COL11A1: variants seen among roughly 807,000 people sequenced by gnomAD.
The protein encoded by COL11A1 is collagen type XI alpha 1 chain.
A neutral mutation model predicts 265.2 loss-of-function variants in COL11A1; 74 were observed. That is an observed-to-expected ratio of 0.28 (90% CI 0.23 to 0.34). COL11A1 has a LOEUF of 0.34. Ranked by LOEUF, COL11A1 falls within the 10% of genes least tolerant of loss-of-function variation. The pLI, the probability that COL11A1 is intolerant of heterozygous loss-of-function variation, is 1.00. For missense variants in COL11A1, 2,165 were observed against 2,263.6 expected, an observed-to-expected ratio of 0.96 and a Z score of 0.88; for synonymous variants, 816 against 727.6, an observed-to-expected ratio of 1.12 and a Z score of -1.96.
At position 103,018,776 on chromosome 1, in the gene COL11A1, T is replaced by C. The variant is rs762976348; in HGVS notation, c.1350+42A>G. On this transcript the variant is annotated intron_variant, in intron 10 of 66. Coordinates refer to ENST00000370096, the MANE Select transcript of COL11A1 (RefSeq NM_001854.4). ...TAATTAATAGAAATCTTATATATGA[T>C]TACTTTAAATAGACAAAAATAATCT... 18 of 1,475,906 alleles carry C rather than the reference T, an allele frequency of 1.2e-5. No homozygotes were observed. The South Asian group carries it at 2.0e-4, about 16-fold the overall frequency. The allele number at this position is 1,475,906 out of a possible 1,614,324, so 91.4% of individuals were successfully genotyped here.
At chr1:103,007,664 A>G (rs1665743550) in intron 15 of COL11A1, among the ~76,000 whole-genome samples, 1 of 151,958 alleles carries the variant, frequency 6.6e-6, no homozygotes, top group Non-Finnish European at 1.5e-5. Context: ...TTGAGACCAG[A>G]CTGGGCAACA....
Position 102,914,810 on chromosome 1 carries a change from C to T in COL11A1, c.3818G>A (p.Gly1273Asp). 1.3e-6 allele frequency: 2 copies of T among 1,570,660 alleles called. No homozygotes were observed. The highest frequency in any genetic ancestry group is 1.7e-6 in the Non-Finnish European group (2 of 1,159,332). The part of the protein sequence containing the change: ...PGPPGEAGVG[G>D]PKGERGEKGE... ...TTTCTCTCCTCTTTCTCCTTTGGGA[C>T]CCTAAACAATGTTAAAAAAAAAAAA... The change falls in exon 51 of 67, where the codon GGT (glycine) becomes GAT (aspartate). Residue 1273 changes from glycine (G) to aspartate (D), a missense_variant and splice_region_variant. Gly to Asp is a moderately conservative substitution (Grantham distance 94). Coordinates refer to ENST00000370096, the MANE Select transcript of COL11A1 (RefSeq NM_001854.4).
At chr1:102,974,950 G>T in intron 35 of COL11A1, 67 bp from the exon 36 acceptor site, 1 of 1,190,862 alleles carries the variant, frequency 8.4e-7, no homozygotes, top group Admixed American at 1.7e-5. Context: ...TATACTTTGA[G>T]GTTTATTTAC....
At chr1:102,932,037 T>A (rs2101171649) in intron 46 of COL11A1, among the ~76,000 whole-genome samples, 1 of 150,624 alleles carries the variant, frequency 6.6e-6, no homozygotes, top group South Asian at 2.1e-4. Context: ...GGGTCTTGAC[T>A]CTTTATCCAA....
intron 36 of COL11A1, among the ~76,000 whole-genome samples, chr1:102,970,850 C>A (rs1661901272): frequency 6.6e-6 from 1 of 151,838 alleles, no homozygotes; most frequent in African/African-American, 2.4e-5. Context: ...CCCGTCTCTA[C>A]TAAAAAACAA....
At chr1:103,006,525 C>CTTTTT (rs1557935689) in intron 15 of COL11A1, among the ~76,000 whole-genome samples, 4 of 76,204 alleles carry the variant, frequency 5.2e-5, no homozygotes, top group African/African-American at 1.1e-4. Flanking sequence ...TAAATGGCTC[C>CTTTTT]ATTTTTTTTT....
Position 103,002,499 on chromosome 1 carries a change from A to C in COL11A1, c.2044-18T>G, listed in dbSNP as rs753666619. On this transcript the variant is annotated intron_variant, in intron 22 of 66. Coordinates refer to ENST00000370096, the MANE Select transcript of COL11A1 (RefSeq NM_001854.4). ...TGGGGACCCTGCCAGAGGAAAATAT[A>C]AAAAGTTTTTAATGGGCTATATTAC... The C allele has an allele frequency of 3.8e-6, 6 of 1,597,178 alleles. No homozygotes were observed. In the Admixed American group the frequency reaches 5.2e-5, roughly 14 times the overall value.
chr1:103,053,373 A>G (rs750929732), intron 4 of COL11A1, among the ~76,000 whole-genome samples: 3 of 152,192 alleles, frequency 2.0e-5, no homozygotes, highest in Non-Finnish European at 4.4e-5. Context: ...AATGGTGCTG[A>G]TCTGATTCCA....
chr1:102,908,717 G>C (rs540999156), intron 54 of COL11A1, among the ~76,000 whole-genome samples: 1 of 151,930 alleles, frequency 6.6e-6, no homozygotes, highest in South Asian at 2.1e-4. Context: ...TCTTCAATGA[G>C]ACCATTGCCT....
chr1:103,001,599 T>A, intron 24 of COL11A1: 2 of 461,730 alleles, frequency 4.3e-6, no homozygotes, highest in Non-Finnish European at 7.6e-6. Flanking sequence ...ACTTAATTAC[T>A]TTTTTGTAAA....
intron 36 of COL11A1, among the ~76,000 whole-genome samples, chr1:102,973,488 G>C (rs2101644937): frequency 6.6e-6 from 1 of 152,236 alleles, no homozygotes; most frequent in South Asian, 2.1e-4. Context: ...CAATACTGAG[G>C]TTATATACGT....
chr1:102,918,717 T>C (rs982845375), intron 49 of COL11A1, among the ~76,000 whole-genome samples: 2 of 152,142 alleles, frequency 1.3e-5, no homozygotes, highest in African/African-American at 2.4e-5. Context: ...TTGACTGGGA[T>C]TGATTCAAAA....
intron 54 of COL11A1, among the ~76,000 whole-genome samples, chr1:102,899,914 A>G (rs1393846404): frequency 5.3e-5 from 8 of 152,054 alleles, no homozygotes; most frequent in Non-Finnish European, 1.0e-4. Context: ...TAAACTGAGT[A>G]TCAATAGTGG....
chr1:103,043,591 A>T (rs1669009874), intron 4 of COL11A1, among the ~76,000 whole-genome samples: 1 of 152,118 alleles, frequency 6.6e-6, no homozygotes, highest in Admixed American at 6.6e-5. Flanking sequence ...CTTTATTTCA[A>T]CACCTGTAAA....
intron 49 of COL11A1, among the ~76,000 whole-genome samples, chr1:102,916,482 G>A (rs1390508315): frequency 6.6e-6 from 1 of 152,018 alleles, no homozygotes; most frequent in Non-Finnish European, 1.5e-5. Flanking sequence ...AGTGGTCTCA[G>A]CAATTGTGAG....
intron 29 of COL11A1, among the ~76,000 whole-genome samples, chr1:102,988,497 G>C (rs901938932): frequency 6.6e-6 from 1 of 152,112 alleles, no homozygotes; most frequent in African/African-American, 2.4e-5. Flanking sequence ...AACCCATCAG[G>C]CAGTTACAAA....
At chr1:103,055,144 C>T (rs1670141628) in intron 4 of COL11A1, among the ~76,000 whole-genome samples, 1 of 152,144 alleles carries the variant, frequency 6.6e-6, no homozygotes, top group Non-Finnish European at 1.5e-5. Context: ...CCAGAGTCAA[C>T]ATTGTTAACT....
chr1:102,907,176 G>C (rs548981347), intron 54 of COL11A1, among the ~76,000 whole-genome samples: 1 of 152,028 alleles, frequency 6.6e-6, no homozygotes, highest in Non-Finnish European at 1.5e-5. Context: ...CCGTTCTCAT[G>C]TTATTATTAA....
chr1:102,931,411 G>A (rs1657421738), intron 46 of COL11A1, among the ~76,000 whole-genome samples: 1 of 150,512 alleles, frequency 6.6e-6, no homozygotes, highest in South Asian at 2.1e-4. Flanking sequence ...TTTTGAGTGA[G>A]ATTCTTAATC....
Sources: gnomAD v4.1 joint callset for allele counts (sites outside exome capture counted in the v4.1 genomes callset) on GRCh38, gnomAD v4.1.1 for gene constraint, MANE v1.5 for transcripts, NCBI Gene and HGNC (gene_info 2026-07-23, HGNC 2026-07-21) for gene names.